TMEM196: variants seen among roughly 807,000 people sequenced by gnomAD.
TMEM196 encodes the protein transmembrane protein 196.
In TMEM196, 17 loss-of-function variants were observed where a neutral mutation model predicts 20.0. The observed-to-expected ratio is 0.85, with a 90% CI of 0.58 to 1.27. The LOEUF is 1.27. Among genes scored for constraint, TMEM196 ranks in the 50% most tolerant of loss-of-function variants. TMEM196 has a pLI of 0.00. For missense variants in TMEM196, 267 were observed against 223.0 expected (o/e 1.20, Z -1.26); for synonymous variants, 113 against 88.9 (o/e 1.27, Z -1.52).
chr7:19,759,864 T>C (rs1785366949), intron 1 of TMEM196, among the ~76,000 whole-genome samples: 2 of 152,166 alleles, frequency 1.3e-5, no homozygotes, highest in Non-Finnish European at 2.9e-5. Context: ...TCTGCTTTCA[T>C]TGCAGTAACC....
intron 1 of TMEM196, 114 bp downstream of exon 1, chr7:19,772,436 A>T (rs1376641260): frequency 8.3e-7 from 1 of 1,199,970 alleles, no homozygotes; most frequent in Non-Finnish European, 1.1e-6. Context: ...CAAGCCAGAG[A>T]TCTATGATTT....
chr7:19,746,265 G>C (rs4721823), intron 1 of TMEM196, among the ~76,000 whole-genome samples: 29,141 of 152,064 alleles, frequency 0.19, 3,184 homozygotes, highest in East Asian at 0.44. Flanking sequence ...AATGAGGTCC[G>C]TTAAACGGGA....
Position 19,772,748 on chromosome 7 carries a change from C to CT in TMEM196, c.-53dup, listed in dbSNP as rs1478147494. 2 of 1,418,666 alleles carry CT rather than the reference C, an allele frequency of 1.4e-6. No homozygotes were observed. Among genetic ancestry groups the CT allele is most frequent in the East Asian group, 2.8e-5 (1 of 35,512 alleles). The allele number at this position is 1,418,666 out of a possible 1,614,324, so 87.9% of individuals were successfully genotyped here. On this transcript the variant is annotated 5_prime_UTR_variant, in exon 1 of 5. Transcript: ENST00000405844. ...TCAGAGAGGGAAATCAACCATCTAC[C>CT]TTTTTTTCTTCCACTATCCTCCTTA...
chr7:19,749,460 G>A (rs981264642), intron 1 of TMEM196, among the ~76,000 whole-genome samples: 1 of 152,134 alleles, frequency 6.6e-6, no homozygotes, highest in African/African-American at 2.4e-5. Flanking sequence ...ATCTTGCTTT[G>A]TGCGCATGTC....
At chr7:19,760,512 C>T (rs2128037098) in intron 1 of TMEM196, among the ~76,000 whole-genome samples, 1 of 151,798 alleles carries the variant, frequency 6.6e-6, no homozygotes, top group East Asian at 1.9e-4. Context: ...AGACATATGC[C>T]ATCACGCCCG....
chr7:19,732,582 A>C (rs1287595086), intron 1 of TMEM196, among the ~76,000 whole-genome samples: 24 of 128,358 alleles, frequency 1.9e-4, no homozygotes, highest in East Asian at 1.7e-3. Flanking sequence ...CAAAAAAAAA[A>C]AACAAAAAAA....
At chr7:19,762,474 CTG>C (rs1204816341) in intron 1 of TMEM196, among the ~76,000 whole-genome samples, 2 of 152,080 alleles carry the variant, frequency 1.3e-5, no homozygotes, top group Admixed American at 6.5e-5. Flanking sequence ...ACTTGTGCGA[CTG>C]TATTATATAG....
At chr7:19,747,258 AAAAT>A (rs1176043602) in intron 1 of TMEM196, among the ~76,000 whole-genome samples, 3 of 128,298 alleles carry the variant, frequency 2.3e-5, no homozygotes, top group African/African-American at 1.1e-4. Flanking sequence ...CCGTCTCAAA[AAAAT>A]AAATAAATAA....
intron 1 of TMEM196, among the ~76,000 whole-genome samples, chr7:19,736,161 C>T (rs1784391599): frequency 6.6e-6 from 1 of 151,622 alleles, no homozygotes; most frequent in Non-Finnish European, 1.5e-5. Flanking sequence ...TAAAGAATAA[C>T]TCTGGAAGCT....
At position 19,722,151 on chromosome 7, in the gene TMEM196, A is replaced by G. The variant is rs538896522; in HGVS notation, c.534-17T>C. ...TGTTATTTCCTGTTAGAAAAATGACATGATTAATTAAAATTCGCTTTTGGA... is the reference window on the plus strand; with the variant it reads ...TGTTATTTCCTGTTAGAAAAATGACGTGATTAATTAAAATTCGCTTTTGGA... On this transcript the variant is annotated splice_polypyrimidine_tract_variant and intron_variant, in intron 4 of 4. Coordinates refer to ENST00000405844, the MANE Select transcript of TMEM196 (RefSeq NM_001363562.2). 3 of 1,600,220 alleles carry G rather than the reference A, an allele frequency of 1.9e-6. No homozygotes were observed. Among genetic ancestry groups the G allele is most frequent in the South Asian group, 2.3e-5 (2 of 88,494 alleles).
intron 1 of TMEM196, among the ~76,000 whole-genome samples, chr7:19,731,245 T>C (rs918256178): frequency 1.3e-5 from 2 of 152,196 alleles, no homozygotes; most frequent in African/African-American, 4.8e-5. Context: ...ATATTTTTAG[T>C]ATTATAAAAC....
Position 19,733,942 on chromosome 7 carries a change from A to G in TMEM196, c.148-4504T>C, listed in dbSNP as rs1372998833. The stretch of plus-strand genomic sequence containing the variant: ...TTCAGCCCCACCTTCACTCACCATG[A>G]GTTAGCAGTTGGGAGTAACAACTGA... On this transcript the variant is annotated intron_variant, in intron 1 of 4. Coordinates refer to ENST00000405844, the MANE Select transcript of TMEM196 (RefSeq NM_001363562.2). Among the ~76,000 whole-genome samples, 3 of 152,186 alleles carry G rather than the reference A, an allele frequency of 2.0e-5. No individual in the cohort carries two copies. The East Asian group carries it at 5.8e-4, about 29-fold the overall frequency.
chr7:19,743,881 T>C (rs1461188637), intron 1 of TMEM196, among the ~76,000 whole-genome samples: 2 of 152,146 alleles, frequency 1.3e-5, no homozygotes, highest in African/African-American at 4.8e-5. Context: ...CTTATATAAT[T>C]GAAAAGTAAT....
At chr7:19,739,292 G>C (rs1211333969) in intron 1 of TMEM196, among the ~76,000 whole-genome samples, 1 of 152,098 alleles carries the variant, frequency 6.6e-6, no homozygotes, top group Non-Finnish European at 1.5e-5. Context: ...TTAGAAAGCA[G>C]TAATATTCAT....
rs1785003867 is a variant in TMEM196, at chr7:19,751,922, G to A, written c.147+20628C>T. Among the ~76,000 whole-genome samples, 8 of 152,012 alleles carry A rather than the reference G, an allele frequency of 5.3e-5. No homozygotes were observed. In the South Asian group the frequency reaches 1.7e-3, roughly 32 times the overall value. On this transcript the variant is annotated intron_variant, in intron 1 of 4. Coordinates refer to ENST00000405844, the MANE Select transcript of TMEM196 (RefSeq NM_001363562.2). ...AGTACCATTGTTCTCTGCAACCTCT[G>A]GCCCTAATACACTAAGCTACAATTA...
chr7:19,749,964 G>A (rs1784899891), intron 1 of TMEM196, among the ~76,000 whole-genome samples: 1 of 152,130 alleles, frequency 6.6e-6, no homozygotes, highest in Non-Finnish European at 1.5e-5. Flanking sequence ...ATTAACAAAG[G>A]CAGCCTTTTA....
chr7:19,756,780 A>T (rs562348831), intron 1 of TMEM196, among the ~76,000 whole-genome samples: 2 of 152,228 alleles, frequency 1.3e-5, no homozygotes. Context: ...ACCTGATCTT[A>T]TTCCTTTTTA....
intron 1 of TMEM196, among the ~76,000 whole-genome samples, chr7:19,760,090 C>T (rs1785375799): frequency 6.6e-6 from 1 of 152,076 alleles, no homozygotes; most frequent in Non-Finnish European, 1.5e-5. Flanking sequence ...CTCACTATCT[C>T]ACTCAATGCC....
At chr7:19,754,142 G>C (rs775564883) in intron 1 of TMEM196, among the ~76,000 whole-genome samples, 12 of 152,184 alleles carry the variant, frequency 7.9e-5, no homozygotes, top group Non-Finnish European at 1.5e-4. Flanking sequence ...GTGGCTTTGA[G>C]AAAGTTACTT....
Sources: gnomAD v4.1 joint callset for allele counts (sites outside exome capture counted in the v4.1 genomes callset) on GRCh38, gnomAD v4.1.1 for gene constraint, MANE v1.5 for transcripts, NCBI Gene and HGNC (gene_info 2026-07-23, HGNC 2026-07-21) for gene names.